BCL11A: variants seen among roughly 807,000 people sequenced by gnomAD.
BCL11A encodes B cell CLL/lymphoma 11A.
In BCL11A, 2 loss-of-function variants were observed where a neutral mutation model predicts 55.9. That is an observed-to-expected ratio of 0.04 (90% CI 0.01 to 0.11). The LOEUF is 0.11. BCL11A is among the 10% of genes least tolerant of loss of function. The pLI is 1.00. For missense variants in BCL11A, 817 were observed against 1,137.1 expected (o/e 0.72, Z 4.05); for synonymous variants, 465 against 473.4 (o/e 0.98, Z 0.23).
chr2:60,530,872 C>T (rs1345440306), intron 2 of BCL11A, among the ~76,000 whole-genome samples: 7 of 152,116 alleles, frequency 4.6e-5, no homozygotes, highest in Non-Finnish European at 1.5e-5. Flanking sequence ...CTTTCGAGCT[C>T]CTAAAAACTA....
At chr2:60,512,272 T>C (rs912836526) in intron 2 of BCL11A, among the ~76,000 whole-genome samples, 2 of 152,204 alleles carry the variant, frequency 1.3e-5, no homozygotes, top group South Asian at 2.1e-4. Flanking sequence ...GGCTGCCCGA[T>C]GCGCTGATGT....
chr2:60,473,263 A>G (rs1282510382), intron 2 of BCL11A, among the ~76,000 whole-genome samples: 1 of 148,360 alleles, frequency 6.7e-6, no homozygotes, highest in Non-Finnish European at 1.5e-5. Flanking sequence ...TTTCAGTGAG[A>G]CAGGCACAAA....
chr2:60,457,952 CTTTT>C lies in BCL11A; in HGVS notation c.*2448_*2451del, dbSNP rs373340401. On this transcript the variant is annotated 3_prime_UTR_variant, in exon 4 of 4. Transcript: ENST00000642384. Reference sequence around the variant, plus strand: ...TAATGTCACACTTTTTTGTTTCTCTCTTTTTTTTTTTTTTGAAGCATACAAATAA... The same window carrying C: ...TAATGTCACACTTTTTTGTTTCTCTCTTTTTTTTTTGAAGCATACAAATAA... The C allele has an allele frequency of 6.5e-6, 6 of 917,486 alleles. No homozygotes were observed. The highest frequency in any genetic ancestry group is 5.6e-5 in the African/African-American group (3 of 54,002). 56.8% of individuals were successfully genotyped at this position (917,486 alleles called of 1,614,324 possible). A position where few individuals can be genotyped will look rare whatever the true frequency, so the allele number is the denominator to read the frequency against.
chr2:60,458,733 C>G lies in BCL11A; in HGVS notation c.*1671G>C. On this transcript the variant is annotated 3_prime_UTR_variant, in exon 4 of 4. Coordinates refer to ENST00000642384, the MANE Select transcript of BCL11A (RefSeq NM_022893.4). ...AAATTGTACAGTGCACTTAATTGTCCTATCTGAGCAGGTTTATTTTATACT... is the reference window on the plus strand; with the variant it reads ...AAATTGTACAGTGCACTTAATTGTCGTATCTGAGCAGGTTTATTTTATACT... 1 of 1,033,136 alleles carries G rather than the reference C, an allele frequency of 9.7e-7. No individual in the cohort carries two copies. The highest frequency in any genetic ancestry group is 6.0e-5 in the East Asian group (1 of 16,548). 64.0% of individuals were successfully genotyped at this position (1,033,136 alleles called of 1,614,324 possible). A position where few individuals can be genotyped will look rare whatever the true frequency, so the allele number is the denominator to read the frequency against.
chr2:60,509,009 C>G (rs1382978557), intron 2 of BCL11A, among the ~76,000 whole-genome samples: 1 of 152,200 alleles, frequency 6.6e-6, no homozygotes, highest in African/African-American at 2.4e-5. Flanking sequence ...ACTGGTTCTT[C>G]TGTGATTGCT....
At chr2:60,485,407 G>C (rs780539098) in intron 2 of BCL11A, among the ~76,000 whole-genome samples, 1 of 152,186 alleles carries the variant, frequency 6.6e-6, no homozygotes, top group African/African-American at 2.4e-5. Context: ...TGTCATCTTC[G>C]TTCTTGGCTA....
In BCL11A at chr2:60,521,778, G is replaced by A. The variant is rs1480714903; in HGVS notation, c.385+24193C>T. 5.3e-5 allele frequency among the ~76,000 whole-genome samples: 8 copies of A among 152,146 alleles called. No homozygotes were observed. In the South Asian group the frequency reaches 1.0e-3, roughly 20 times the overall value. ...TTGTCTTCATAACACTACCAGCCAC[G>A]TGAGCACGTCCCAGCTGCTTCTTCC... On this transcript the variant is annotated intron_variant, in intron 2 of 3. Transcript: ENST00000642384.
Position 60,459,349 on chromosome 2 carries a change from G to A in BCL11A, c.*1055C>T. On this transcript the variant is annotated 3_prime_UTR_variant, in exon 4 of 4. Transcript: ENST00000642384. ...TACTAGTGTATTTAATTGCGTTCCA[G>A]GGCTTTTGCACATTACACATTCAAT... 24 of 1,019,130 alleles carry A rather than the reference G, an allele frequency of 2.4e-5. No homozygotes were observed. Among genetic ancestry groups the A allele is most frequent in the Non-Finnish European group, 2.7e-5 (23 of 849,272 alleles). The allele number at this position is 1,019,130 out of a possible 1,614,324, so 63.1% of individuals were successfully genotyped here. A position where few individuals can be genotyped will look rare whatever the true frequency, so the allele number is the denominator to read the frequency against.
downstream of BCL11A, chr2:60,452,399 A>G (rs1485950364): frequency 1.6e-5 from 9 of 548,894 alleles, no homozygotes; most frequent in Non-Finnish European, 2.9e-5. Flanking sequence ...ATTAAAAAAT[A>G]TAAATAAAAT....
intron 2 of BCL11A, among the ~76,000 whole-genome samples, chr2:60,485,509 T>C (rs564132615): frequency 9.9e-5 from 15 of 152,238 alleles, no homozygotes; most frequent in Non-Finnish European, 1.0e-4. Flanking sequence ...TACTCTTTTA[T>C]ATTCTACCTA....
chr2:60,484,487 G>A (rs1389565305), intron 2 of BCL11A: 1 of 152,206 alleles, frequency 6.6e-6, no homozygotes, highest in East Asian at 1.9e-4. Context: ...AGAAAGGGAA[G>A]TAGGTTTTAC....
chr2:60,546,077 T>C lies in BCL11A; in HGVS notation c.279A>G (p.Lys93=). 1 of 1,614,248 alleles carries C rather than the reference T, an allele frequency of 6.2e-7. No individual in the cohort carries two copies. The highest frequency in any genetic ancestry group is 1.1e-5 in the South Asian group (1 of 91,082). Residue 93 remains lysine, a synonymous_variant, in exon 2 of 4, where the codon AAA becomes AAG. Coordinates refer to ENST00000642384, the MANE Select transcript of BCL11A (RefSeq NM_022893.4). The surrounding 1 kb of genome is among the most constrained non-coding windows in gnomAD (Gnocchi z 4.1). ...KPPSPSPIEM[K]KASNPVEVGI... ...CAACCTCCACGGGATTGGATGCTTTTTTCATCTCGATTGGTGAAGGGGAAG... is the reference window on the plus strand; with the variant it reads ...CAACCTCCACGGGATTGGATGCTTTCTTCATCTCGATTGGTGAAGGGGAAG...
At chr2:60,539,144 C>A (rs1187057053) in intron 2 of BCL11A, among the ~76,000 whole-genome samples, 1 of 152,188 alleles carries the variant, frequency 6.6e-6, no homozygotes, top group Non-Finnish European at 1.5e-5. Context: ...TTATACAATT[C>A]CCCAGACTAG....
intron 2 of BCL11A, among the ~76,000 whole-genome samples, chr2:60,481,470 C>T (rs1677957147): frequency 6.6e-6 from 1 of 152,112 alleles, no homozygotes; most frequent in Admixed American, 6.5e-5. Flanking sequence ...TACACATGCT[C>T]TCAGGAGTCA....
intron 2 of BCL11A, chr2:60,544,427 G>A (rs1459668610): frequency 6.6e-6 from 1 of 152,120 alleles, no homozygotes; most frequent in Non-Finnish European, 1.5e-5. Context: ...TCACCTACAT[G>A]TCACATAAGG....
At chr2:60,512,788 T>C (rs1045385439) in intron 2 of BCL11A, among the ~76,000 whole-genome samples, 3 of 152,210 alleles carry the variant, frequency 2.0e-5, no homozygotes, top group Non-Finnish European at 2.9e-5. Flanking sequence ...TATTCTCTTT[T>C]AGTGTCTCAA....
At chr2:60,498,868 C>T (rs1679107220) in intron 2 of BCL11A, among the ~76,000 whole-genome samples, 1 of 147,504 alleles carries the variant, frequency 6.8e-6, no homozygotes, top group Admixed American at 7.0e-5. Context: ...TTTGAATTAC[C>T]TGTAAATCTT....
At chr2:60,462,707 T>C (rs1256203382) in intron 3 of BCL11A, among the ~76,000 whole-genome samples, 2 of 152,234 alleles carry the variant, frequency 1.3e-5, no homozygotes, top group Non-Finnish European at 2.9e-5. Flanking sequence ...TGAAGGTCCC[T>C]ACATTCTAGG....
chr2:60,553,351 GT>G lies in BCL11A; in HGVS notation c.-82del. ...GCTCGGTTCACATCGGGAGAGCCGGGTTAGAAAGAAGGAGACTCCAGAGAAA... is the reference window on the plus strand; with the variant it reads ...GCTCGGTTCACATCGGGAGAGCCGGGTAGAAAGAAGGAGACTCCAGAGAAA... On this transcript the variant is annotated 5_prime_UTR_variant, in exon 1 of 4. An upstream open reading frame in the 5' UTR loses its in-frame stop. Transcript: ENST00000642384. 6.9e-7 allele frequency: 1 copy of G among 1,443,340 alleles called. No individual in the cohort carries two copies. Among genetic ancestry groups the G allele is most frequent in the Non-Finnish European group, 9.3e-7 (1 of 1,069,664 alleles). The allele number at this position is 1,443,340 out of a possible 1,614,324, so 89.4% of individuals were successfully genotyped here. A position where few individuals can be genotyped will look rare whatever the true frequency, so the allele number is the denominator to read the frequency against.
Sources: gnomAD v4.1 joint callset for allele counts (sites outside exome capture counted in the v4.1 genomes callset) on GRCh38, gnomAD v4.1.1 for gene constraint, Gnocchi (gnomAD v3.1) non-coding constraint, MANE v1.5 for transcripts, NCBI Gene and HGNC (gene_info 2026-07-23, HGNC 2026-07-21) for gene names.